The following SGO1 variants were observed in gnomAD, a reference collection of about 807,000 sequenced individuals.
SGO1 encodes shugoshin 1, also known as serologically defined breast cancer antigen NY-BR-85.
SGO1 carries 39 observed loss-of-function variants against 50.5 expected under a neutral mutation model. The ratio of observed to expected loss-of-function variants is 0.77; its 90% CI spans 0.60 to 1.01. SGO1 has a LOEUF of 1.01. SGO1 is among the 50% of genes least tolerant of loss of function. The probability of loss-of-function intolerance (pLI) is 0.00; values close to 1 mark genes in which losing one functional copy is unlikely to be tolerated. For synonymous variants in SGO1, 191 were observed against 205.1 expected (o/e 0.93, Z 0.59); for missense variants, 638 against 606.0 (o/e 1.05, Z -0.55).
intron 1 of SGO1, among the ~76,000 whole-genome samples, chr3:20,184,433 C>T (rs1702389141): frequency 6.6e-6 from 1 of 152,174 alleles, no homozygotes; most frequent in South Asian, 2.1e-4. Context: ...CTTAAGCTTA[C>T]AGCATTAGTT....
chr3:20,167,226 G>C (rs565418494), downstream of SGO1, among the ~76,000 whole-genome samples: 8 of 152,016 alleles, frequency 5.3e-5, no homozygotes, highest in South Asian at 1.5e-3. Flanking sequence ...TATCCTCATG[G>C]GAAAAAATAA....
chr3:20,167,482 CAT>C (rs1357223135), downstream of SGO1, among the ~76,000 whole-genome samples: 1 of 151,974 alleles, frequency 6.6e-6, no homozygotes, highest in Non-Finnish European at 1.5e-5. Flanking sequence ...ATAAAAAATC[CAT>C]AGTTTTACAT....
rs754869364 is a variant in SGO1, at chr3:20,175,005, C to G, written c.526G>C (p.Gly176Arg). ...QDTLGVDFDS[G>R]EAKSTDNVLP... ...ACATTATCAGTAGACTTAGCTTCAC[C>G]TGAATCAAAATCAACTCCCAGTGTG... The change falls in exon 6 of 8, where the codon GGT (glycine) becomes CGT (arginine). Residue 176 changes from glycine to arginine, a missense_variant. Gly to Arg is a moderately radical substitution (Grantham distance 125). Transcript: ENST00000412997. 6.9e-6 allele frequency: 11 copies of G among 1,592,540 alleles called. No homozygotes were observed. The South Asian group carries it at 1.3e-4, about 18-fold the overall frequency.
downstream of SGO1, among the ~76,000 whole-genome samples, chr3:20,167,219 C>T (rs770530634): frequency 2.6e-5 from 4 of 152,062 alleles, no homozygotes; most frequent in Admixed American, 6.6e-5. Context: ...AACTGGTTAT[C>T]CTCATGGGAA....
At chr3:20,171,000 A>G in intron 7 of SGO1, 43 bp downstream of exon 7, 2 of 1,533,384 alleles carry the variant, frequency 1.3e-6, no homozygotes, top group Non-Finnish European at 1.7e-6. Flanking sequence ...ATTCCCCCCG[A>G]CATGTATCAT....
chr3:20,178,847 G>A (rs933704229), intron 3 of SGO1, among the ~76,000 whole-genome samples: 8 of 152,166 alleles, frequency 5.3e-5, no homozygotes, highest in African/African-American at 1.9e-4. Context: ...ACATAATGTA[G>A]GGCCTTGAGA....
Position 20,169,652 on chromosome 3 carries a change from T to G in SGO1, c.*1052A>C. 2.1e-6 allele frequency: 2 copies of G among 971,028 alleles called. No individual in the cohort carries two copies. The highest frequency in any genetic ancestry group is 2.4e-6 in the Non-Finnish European group (2 of 816,880). The allele number at this position is 971,028 out of a possible 1,614,324, so 60.2% of individuals were successfully genotyped here. On this transcript the variant is annotated 3_prime_UTR_variant, in exon 8 of 8. Transcript: ENST00000412997. ...CCTAAATATTCACACATTTAATCTC[T>G]GAGATTTCTGACTAAATAAGGAGCT...
chr3:20,172,267 C>G (rs141889438), intron 6 of SGO1, among the ~76,000 whole-genome samples: 2 of 152,186 alleles, frequency 1.3e-5, no homozygotes, highest in South Asian at 4.1e-4. Context: ...TTAGGGAGGC[C>G]GAGGTGGGCG....
chr3:20,170,676 T>TC lies in SGO1; in HGVS notation c.*27_*28insG. On this transcript the variant is annotated 3_prime_UTR_variant, in exon 8 of 8. Coordinates refer to ENST00000412997, the MANE Select transcript of SGO1 (RefSeq NM_001199251.3). ...TGAAGCAACAGAAAGAGGTGTAGATTGAATTTAAACAATATCCAACAAAAC... is the reference window on the plus strand; with the variant it reads ...TGAAGCAACAGAAAGAGGTGTAGATTCGAATTTAAACAATATCCAACAAAAC... 6.5e-7 allele frequency: 1 copy of TC among 1,536,556 alleles called. No individual in the cohort carries two copies. The highest frequency in any genetic ancestry group is 2.3e-5 in the Admixed American group (1 of 42,648).
At chr3:20,175,661 T>C (rs1295078531) in intron 5 of SGO1, among the ~76,000 whole-genome samples, 1 of 150,848 alleles carries the variant, frequency 6.6e-6, no homozygotes, top group Non-Finnish European at 1.5e-5. Context: ...TAGCCAGGCG[T>C]GGTGGTGGGT....
chr3:20,174,618 GT>G lies in SGO1; in HGVS notation c.912del (p.Lys304AsnfsTer49), dbSNP rs770243295. The part of the protein sequence containing the change: ...EKRKANRRKS[K>X]RMSKYKENKS... ...TTATTCTCTTTATATTTTGACATAC[GT>G]TTTGATTTTCTCCTGTTAGCTTTTC... On this transcript the variant is annotated frameshift_variant, in exon 6 of 8. Transcript: ENST00000412997. LOFTEE classifies it high-confidence loss of function. The G allele has an allele frequency of 6.3e-7, 1 of 1,599,676 alleles. No individual in the cohort carries two copies. The highest frequency in any genetic ancestry group is 1.1e-5 in the South Asian group (1 of 87,728).
rs1030939013 is a variant in SGO1, at chr3:20,171,121, T to C, written c.1394A>G (p.Asn465Ser). 2.5e-5 allele frequency: 40 copies of C among 1,613,540 alleles called. No individual in the cohort carries two copies. The highest frequency in any genetic ancestry group is 3.4e-5 in the Non-Finnish European group (40 of 1,179,888). The change falls in exon 7 of 8, where the codon AAT (asparagine) becomes AGT (serine). Residue 465 changes from asparagine (N) to serine (S), a missense_variant. Transcript: ENST00000412997. ...IRRLSLSPKKNKASPAVALPK... is the reference protein window; with the variant it reads ...IRRLSLSPKKSKASPAVALPK... ...CAGAGCCACTGCTGGGCTTGCTTTA[T>C]TCTTTTTTGGAGAAAGAGAAAGTCT...
chr3:20,174,536 T>C lies in SGO1; in HGVS notation c.995A>G (p.Asn332Ser). The C allele has an allele frequency of 3.7e-6, 6 of 1,613,778 alleles. No individual in the cohort carries two copies. The highest frequency in any genetic ancestry group is 4.2e-6 in the Non-Finnish European group (5 of 1,179,938). The change falls in exon 6 of 8, where the codon AAT becomes AGT. Residue 332 changes from asparagine to serine, a missense_variant. Physicochemically the swap from Asn to Ser is conservative, Grantham distance 46 (BLOSUM62 1). Coordinates refer to ENST00000412997, the MANE Select transcript of SGO1 (RefSeq NM_001199251.3). Reference protein sequence around the residue: ...QKKMHKSVSSNDAYNFNLEEG... With the variant: ...QKKMHKSVSSSDAYNFNLEEG... ...TTCCAAATTAAAATTGTAAGCATCATTGGAACTGACAGATTTGTGCATTTT... is the reference window on the plus strand; with the variant it reads ...TTCCAAATTAAAATTGTAAGCATCACTGGAACTGACAGATTTGTGCATTTT...
chr3:20,176,669 T>G lies in SGO1; in HGVS notation c.417-10A>C. 1.3e-6 allele frequency: 2 copies of G among 1,543,532 alleles called. No individual in the cohort carries two copies. Among genetic ancestry groups the G allele is most frequent in the Non-Finnish European group, 1.7e-6 (2 of 1,145,226 alleles). On this transcript the variant is annotated splice_polypyrimidine_tract_variant and intron_variant, in intron 4 of 7. Transcript: ENST00000412997. ...TTCAAGAGGAATTTGCCTTAGAAAATACCAATGAAAAACAGAAATTTAACA... is the reference window on the plus strand; with the variant it reads ...TTCAAGAGGAATTTGCCTTAGAAAAGACCAATGAAAAACAGAAATTTAACA...
At chr3:20,176,784 C>T (rs1484447112) in intron 4 of SGO1, 125 bp from the exon 5 acceptor site, 5 of 606,540 alleles carry the variant, frequency 8.2e-6, no homozygotes, top group Non-Finnish European at 1.4e-5. Flanking sequence ...CAAATCAATA[C>T]ATCTATTCTG....
chr3:20,180,069 G>A (rs1701835492), intron 3 of SGO1, among the ~76,000 whole-genome samples: 1 of 152,102 alleles, frequency 6.6e-6, no homozygotes. Context: ...GGCCGAGGCA[G>A]GGGTATCACT....
intron 6 of SGO1, among the ~76,000 whole-genome samples, chr3:20,173,870 G>A (rs1278441527): frequency 2.0e-5 from 3 of 152,052 alleles, no homozygotes; most frequent in Non-Finnish European, 4.4e-5. Context: ...ATAAAACAAG[G>A]CCATTAAAAT....
chr3:20,183,584 A>AT, intron 3 of SGO1, 24 bp downstream of exon 3: 1 of 1,536,036 alleles, frequency 6.5e-7, no homozygotes, highest in Non-Finnish European at 8.8e-7. Context: ...AAACTAAGAA[A>AT]TTCGGCCTTA....
intron 5 of SGO1, among the ~76,000 whole-genome samples, chr3:20,175,855 T>A (rs530002342): frequency 2.0e-5 from 3 of 151,864 alleles, no homozygotes; most frequent in African/African-American, 7.2e-5. Context: ...AAATGAATAG[T>A]CTATATGTAT....
Sources: gnomAD v4.1 joint callset for allele counts (sites outside exome capture counted in the v4.1 genomes callset) on GRCh38, gnomAD v4.1.1 for gene constraint, MANE v1.5 for transcripts, NCBI Gene and HGNC (gene_info 2026-07-23, HGNC 2026-07-21) for gene names.